GNAS: variants seen among roughly 807,000 people sequenced by gnomAD.
The protein encoded by GNAS is GNAS complex locus.
A neutral mutation model predicts 54.5 loss-of-function variants in GNAS; 8 were observed. The ratio of observed to expected loss-of-function variants is 0.15; its 90% CI spans 0.09 to 0.26. GNAS has a LOEUF of 0.26. Among genes scored for constraint, GNAS ranks in the 10% least tolerant of loss-of-function variants. GNAS has a pLI of 1.00. For synonymous variants in GNAS, 204 were observed against 191.4 expected (o/e 1.07, Z -0.54); for missense variants, 170 against 529.8 (o/e 0.32, Z 6.67).
At chr20:58,890,197 TGAAGAAGAA>T (rs369104721), upstream of GNAS, among the ~76,000 whole-genome samples, 3 of 151,148 alleles carry the variant, frequency 2.0e-5, no homozygotes, top group East Asian at 1.9e-4. Context: ...GAGAAGATGC[TGAAGAAGAA>T]GAAGAAGAAG....
In GNAS at chr20:58,841,326, A is replaced by G. The variant is rs368105538; in HGVS notation, c.43+440A>G. The stretch of plus-strand genomic sequence containing the variant: ...ATGTGGTTCGGAGGTGCGCGCGCCA[A>G]CTTTCACGATGTGAGAGCAGCCGCG... On this transcript the variant is annotated intron_variant, in intron 1 of 12. Transcript: ENST00000306090. This position sits in a 1 kb window ranked among gnomAD's most constrained non-coding sequence, Gnocchi z 5.0. 4.2e-5 allele frequency: 44 copies of G among 1,058,978 alleles called. No individual in the cohort carries two copies. In the East Asian group the frequency reaches 2.2e-3, roughly 52 times the overall value. 65.6% of individuals were successfully genotyped at this position (1,058,978 alleles called of 1,614,324 possible). A position where few individuals can be genotyped will look rare whatever the true frequency, so the allele number is the denominator to read the frequency against.
At chr20:58,888,248 C>T (rs1363371504), upstream of GNAS, among the ~76,000 whole-genome samples, 1 of 152,142 alleles carries the variant, frequency 6.6e-6, no homozygotes, top group Non-Finnish European at 1.5e-5. Context: ...ACACTGCTCA[C>T]GTCTTAGCCT....
At position 58,841,545 on chromosome 20, in the gene GNAS, C is replaced by T; in HGVS notation, c.43+659C>T. 2.0e-6 allele frequency: 2 copies of T among 996,772 alleles called. No homozygotes were observed. Among genetic ancestry groups the T allele is most frequent in the Non-Finnish European group, 2.4e-6 (2 of 837,984 alleles). The allele number at this position is 996,772 out of a possible 1,614,324, so 61.7% of individuals were successfully genotyped here. A position where few individuals can be genotyped will look rare whatever the true frequency, so the allele number is the denominator to read the frequency against. Reference sequence around the variant, plus strand: ...GTGCCTCCAGCTGCCGTGCGCCAGCCTTGGCCGCCACAGCCCGCCTCCCGT... The same window carrying T: ...GTGCCTCCAGCTGCCGTGCGCCAGCTTTGGCCGCCACAGCCCGCCTCCCGT... On this transcript the variant is annotated intron_variant, in intron 1 of 12. Coordinates refer to the GNAS transcript ENST00000306090. This position sits in a 1 kb window ranked among gnomAD's most constrained non-coding sequence, Gnocchi z 5.0.
At chr20:58,845,544 CA>C (rs996571046) in intron 1 of GNAS, among the ~76,000 whole-genome samples, 1 of 151,912 alleles carries the variant, frequency 6.6e-6, no homozygotes, top group Non-Finnish European at 1.5e-5. Flanking sequence ...ATTTCAAAAA[CA>C]AAAAAATCTG....
Position 58,891,607 on chromosome 20 carries a change from G to A in GNAS, c.-120G>A. ...TCCGCCCCGCGCGCTCCTTGCCGAG[G>A]AGCCGAGCCCGCGCCCGGCCCGCCC... On this transcript the variant is annotated 5_prime_UTR_variant, in exon 1 of 13. Coordinates refer to ENST00000371085, the MANE Select transcript of GNAS (RefSeq NM_000516.7). 8 of 968,244 alleles carry A rather than the reference G, an allele frequency of 8.3e-6. No individual in the cohort carries two copies. Among genetic ancestry groups the A allele is most frequent in the Non-Finnish European group, 9.7e-6 (8 of 821,876 alleles). The allele number at this position is 968,244 out of a possible 1,614,324, so 60.0% of individuals were successfully genotyped here. A position where few individuals can be genotyped will look rare whatever the true frequency, so the allele number is the denominator to read the frequency against.
upstream of GNAS, chr20:58,890,516 G>A (rs6123837): frequency 0.31 from 47,307 of 152,126 alleles, 9,353 homozygotes; most frequent in East Asian, 0.67. Context: ...GCAGCCCCTC[G>A]TGGGTGCTCA....
chr20:58,885,620 GAA>G (rs11475102), intron 1 of GNAS, among the ~76,000 whole-genome samples: 8 of 151,026 alleles, frequency 5.3e-5, no homozygotes, highest in African/African-American at 1.9e-4. Flanking sequence ...AATATGACAA[GAA>G]AAAAAAATGT....
intron 1 of GNAS, among the ~76,000 whole-genome samples, chr20:58,894,508 T>TA (rs570023295): frequency 6.6e-6 from 1 of 152,166 alleles, no homozygotes; most frequent in Non-Finnish European, 1.5e-5. Flanking sequence ...AATTAAAAGT[T>TA]AAAAAGAAAG....
intron 3 of GNAS, among the ~76,000 whole-genome samples, chr20:58,899,649 T>TCACA (rs371284636): frequency 7.5e-6 from 1 of 133,238 alleles, no homozygotes; most frequent in Non-Finnish European, 1.7e-5. Context: ...CCCACACCCA[T>TCACA]CACACACACA....
chr20:58,840,953 G>A lies in GNAS; in HGVS notation c.43+67G>A. 8 of 1,548,786 alleles carry A rather than the reference G, an allele frequency of 5.2e-6. No individual in the cohort carries two copies. Among genetic ancestry groups the A allele is most frequent in the Non-Finnish European group, 7.1e-6 (8 of 1,132,838 alleles). On this transcript the variant is annotated intron_variant, in intron 1 of 12. Transcript: ENST00000306090. This position sits in a 1 kb window ranked among gnomAD's most constrained non-coding sequence, Gnocchi z 6.0. ...TGGGAGCAGCGCAGGTGGAAAGGAGGTGAGAAGGAAAGGCAGGTCAGGGGC... is the reference window on the plus strand; with the variant it reads ...TGGGAGCAGCGCAGGTGGAAAGGAGATGAGAAGGAAAGGCAGGTCAGGGGC...
At chr20:58,840,738 A>C, upstream of GNAS, 1 of 1,605,388 alleles carries the variant, frequency 6.2e-7, no homozygotes, top group African/African-American at 1.3e-5. The surrounding 1 kb of genome is among the most constrained non-coding windows in gnomAD (Gnocchi z 6.0). Flanking sequence ...AAGGAGCCCA[A>C]GGAGGAGAAG....
intron 5 of GNAS, 119 bp from the exon 6 acceptor site, chr20:58,905,264 T>G: frequency 1.4e-6 from 1 of 718,832 alleles, no homozygotes. Context: ...GGGCTCAAAA[T>G]TCAAAATCAC....
chr20:58,862,093 G>A lies in GNAS; in HGVS notation c.43+21207G>A, dbSNP rs112455088. On this transcript the variant is annotated intron_variant, in intron 1 of 12. Coordinates refer to the GNAS transcript ENST00000306090. Reference sequence around the variant, plus strand: ...TGGAGTCTTTTTTAAAGGGTAACATGTTCAACCCAGTGCTTGGCACATATA... The same window carrying A: ...TGGAGTCTTTTTTAAAGGGTAACATATTCAACCCAGTGCTTGGCACATATA... Among the ~76,000 whole-genome samples the A allele has an allele frequency of 7.9e-5, 12 of 152,256 alleles. 1 individual carries two copies. The highest frequency in any genetic ancestry group is 2.9e-4 in the African/African-American group (12 of 41,554).
At chr20:58,897,444 T>C (rs1241464737) in intron 2 of GNAS, 2 of 152,248 alleles carry the variant, frequency 1.3e-5, no homozygotes, top group Admixed American at 6.5e-5. Context: ...AATATTTTGA[T>C]GAAAACTGGA....
Position 58,857,057 on chromosome 20 carries a change from A to T in GNAS, c.43+16171A>T, listed in dbSNP as rs896016393. The T allele has an allele frequency of 2.0e-5, 3 of 152,244 alleles. No homozygotes were observed. Among genetic ancestry groups the T allele is most frequent in the East Asian group, 3.9e-4 (2 of 5,182 alleles). The allele number at this position is 152,244 out of a possible 1,614,324, so 9.4% of individuals were successfully genotyped here. On this transcript the variant is annotated intron_variant, in intron 1 of 12. Transcript: ENST00000306090. The surrounding 1 kb of genome is among the most constrained non-coding windows in gnomAD (Gnocchi z 4.1). ...ATGAAAACTTCCAAACAAACTTCAC[A>T]AGCTTAATTTTTACATTTTATTCTC... is the stretch of plus-strand genomic sequence containing the variant.
At chr20:58,874,210 C>T (rs2087642137) in intron 1 of GNAS, among the ~76,000 whole-genome samples, 1 of 152,236 alleles carries the variant, frequency 6.6e-6, no homozygotes, top group South Asian at 2.1e-4. Context: ...CCAGGAGGCA[C>T]AGCCCAGAGG....
At chr20:58,864,356 G>A (rs1217203909) in intron 1 of GNAS, among the ~76,000 whole-genome samples, 1 of 152,076 alleles carries the variant, frequency 6.6e-6, no homozygotes, top group Non-Finnish European at 1.5e-5. Flanking sequence ...GGGCCTTCAT[G>A]GGCTTTTGAA....
At chr20:58,899,715 C>G (rs926326928) in intron 3 of GNAS, among the ~76,000 whole-genome samples, 1 of 151,908 alleles carries the variant, frequency 6.6e-6, no homozygotes, top group Non-Finnish European at 1.5e-5. Context: ...CACACGCACA[C>G]ACAGCCACAC....
intron 1 of GNAS, chr20:58,884,536 A>G (rs1339222768): frequency 6.6e-6 from 1 of 152,220 alleles, no homozygotes; most frequent in East Asian, 1.9e-4. Flanking sequence ...TCAAAGTGTC[A>G]TTTAAATAAG....
Sources: allele counts gnomAD v4.1 joint callset (sites outside exome capture counted in the v4.1 genomes callset), GRCh38; gene constraint gnomAD v4.1.1; non-coding constraint Gnocchi (gnomAD v3.1); transcripts MANE v1.5; gene names NCBI Gene and HGNC (gene_info 2026-07-23, HGNC 2026-07-21).